USP6NL: variants seen among roughly 807,000 people sequenced by gnomAD.
The protein encoded by USP6NL is USP6 N-terminal like.
A neutral mutation model predicts 61.9 loss-of-function variants in USP6NL; 26 were observed. The observed-to-expected ratio is 0.42, with a 90% CI of 0.31 to 0.58. The LOEUF is 0.58. USP6NL is among the 20% of genes least tolerant of loss of function. USP6NL has a pLI of 0.16. For synonymous variants in USP6NL, 432 were observed against 390.1 expected (o/e 1.11, Z -1.27); for missense variants, 1,114 against 1,034.3 (o/e 1.08, Z -1.06).
At chr10:11,464,437 C>T (rs946051586) in intron 14 of USP6NL, among the ~76,000 whole-genome samples, 2 of 152,184 alleles carry the variant, frequency 1.3e-5, no homozygotes, top group Non-Finnish European at 2.9e-5. Context: ...GTGCAGGGCT[C>T]TACTATTTTC....
At chr10:11,472,674 T>G (rs1832807779) in intron 14 of USP6NL, among the ~76,000 whole-genome samples, 1 of 152,256 alleles carries the variant, frequency 6.6e-6, no homozygotes, top group African/African-American at 2.4e-5. Context: ...GACTTTATAT[T>G]TAATGTAATA....
At position 11,562,059 on chromosome 10, in the gene USP6NL, T is replaced by C. The variant is rs1836954086; in HGVS notation, c.5-34492A>G. On this transcript the variant is annotated intron_variant, in intron 2 of 14. Coordinates refer to ENST00000609104, the MANE Select transcript of USP6NL (RefSeq NM_014688.5). The surrounding 1 kb of genome is among the most constrained non-coding windows in gnomAD (Gnocchi z 4.8). The stretch of plus-strand genomic sequence containing the variant: ...ACTTTGTGAGGCCAAGGCAGGCAGA[T>C]CACGAGGTCAGGAGTTTAAGACCAG... Among the ~76,000 whole-genome samples the C allele has an allele frequency of 6.6e-6, 1 of 152,084 alleles. No individual in the cohort carries two copies. Among genetic ancestry groups the C allele is most frequent in the African/African-American group, 2.4e-5 (1 of 41,416 alleles).
rs1465790524 is a variant in USP6NL, at chr10:11,589,090, AAGAG to A, written c.4+8537_4+8540del. On this transcript the variant is annotated intron_variant, in intron 2 of 14. Coordinates refer to ENST00000609104, the MANE Select transcript of USP6NL (RefSeq NM_014688.5). The surrounding 1 kb of genome is among the most constrained non-coding windows in gnomAD (Gnocchi z 4.7). Reference sequence around the variant, plus strand: ...TGGAGAAGCGCCTTTCCTTATCCAGAAGAGAGACTCTAACAGCAGTAAAGGTTTC... The same window carrying A: ...TGGAGAAGCGCCTTTCCTTATCCAGAAGACTCTAACAGCAGTAAAGGTTTC... 6.6e-6 allele frequency among the ~76,000 whole-genome samples: 1 copy of A among 152,204 alleles called. No individual in the cohort carries two copies. The highest frequency in any genetic ancestry group is 1.9e-4 in the East Asian group (1 of 5,196).
rs1452325163 is a variant in USP6NL at position 11,482,013 on chromosome 10, G to T, written c.926-91C>A. ...TTATATTCAGGTGTAGTGTAAAAGGGCATTAAAAAGGGCGCAAGCAGCATA... is the reference window on the plus strand; with the variant it reads ...TTATATTCAGGTGTAGTGTAAAAGGTCATTAAAAAGGGCGCAAGCAGCATA... On this transcript the variant is annotated intron_variant, in intron 13 of 14. Coordinates refer to ENST00000609104, the MANE Select transcript of USP6NL (RefSeq NM_014688.5). The surrounding 1 kb of genome is among the most constrained non-coding windows in gnomAD (Gnocchi z 4.0). The T allele has an allele frequency of 3.8e-6, 5 of 1,313,710 alleles. No individual in the cohort carries two copies. Among genetic ancestry groups the T allele is most frequent in the Non-Finnish European group, 5.0e-6 (5 of 990,898 alleles). The allele number at this position is 1,313,710 out of a possible 1,614,324, so 81.4% of individuals were successfully genotyped here.
At chr10:11,542,863 G>A (rs1018989275) in intron 2 of USP6NL, among the ~76,000 whole-genome samples, 6 of 152,168 alleles carry the variant, frequency 3.9e-5, no homozygotes, top group African/African-American at 1.2e-4. Context: ...CGACAGTAAC[G>A]TGGGGTAGGA....
chr10:11,559,412 C>T (rs773983241), intron 2 of USP6NL, among the ~76,000 whole-genome samples: 1 of 152,074 alleles, frequency 6.6e-6, no homozygotes, highest in African/African-American at 2.4e-5. Flanking sequence ...GGTCACTTTC[C>T]AAACCATTCA....
chr10:11,604,388 G>A (rs1336034742), intron 1 of USP6NL, among the ~76,000 whole-genome samples: 2 of 152,068 alleles, frequency 1.3e-5, no homozygotes, highest in Non-Finnish European at 2.9e-5. Context: ...CTAAAATGTT[G>A]GTTATATGTA....
At chr10:11,542,175 T>C (rs190900812) in intron 2 of USP6NL, among the ~76,000 whole-genome samples, 20 of 152,322 alleles carry the variant, frequency 1.3e-4, no homozygotes, top group African/African-American at 4.1e-4. Context: ...TAATATTCAT[T>C]AATTCAGAAA....
At position 11,462,344 on chromosome 10, in the gene USP6NL, G is replaced by A. The variant is rs1033774787; in HGVS notation, c.*97C>T. The A allele has an allele frequency of 8.0e-6, 11 of 1,371,060 alleles. No homozygotes were observed. In the African/African-American group the frequency reaches 1.2e-4, roughly 15 times the overall value. 84.9% of individuals were successfully genotyped at this position (1,371,060 alleles called of 1,614,324 possible). On this transcript the variant is annotated 3_prime_UTR_variant, in exon 15 of 15. Coordinates refer to ENST00000609104, the MANE Select transcript of USP6NL (RefSeq NM_014688.5). ...AACAGACAGGAGAGATGTGCGAGTT[G>A]TTTACAATAGTATAAATACTGCTTT...
At chr10:11,475,243 T>C (rs990079132) in intron 14 of USP6NL, among the ~76,000 whole-genome samples, 1 of 151,760 alleles carries the variant, frequency 6.6e-6, no homozygotes, top group Non-Finnish European at 1.5e-5. Context: ...AAGAGTTACA[T>C]TTAAGGTAAC....
In USP6NL at chr10:11,495,516, T is replaced by C. The variant is rs1220784178; in HGVS notation, c.385-2288A>G. Among the ~76,000 whole-genome samples, 2 of 152,156 alleles carry C rather than the reference T, an allele frequency of 1.3e-5. No homozygotes were observed. Among genetic ancestry groups the C allele is most frequent in the Non-Finnish European group, 2.9e-5 (2 of 68,020 alleles). ...CCTAGGCTATCATCTAATTTTCTTG[T>C]ATTTTTCTGTATTATTTTACATCTC... On this transcript the variant is annotated intron_variant, in intron 7 of 14. Coordinates refer to ENST00000609104, the MANE Select transcript of USP6NL (RefSeq NM_014688.5). This position sits in a 1 kb window ranked among gnomAD's most constrained non-coding sequence, Gnocchi z 4.6.
At chr10:11,483,732 G>A (rs1833339994) in intron 13 of USP6NL, among the ~76,000 whole-genome samples, 1 of 149,838 alleles carries the variant, frequency 6.7e-6, no homozygotes, top group African/African-American at 2.5e-5. Context: ...GTGCGGGGAG[G>A]AAGGAAAAGA....
chr10:11,528,811 G>A lies in USP6NL; in HGVS notation c.5-1244C>T, dbSNP rs954764496. ...AAGCAAATGGTGGTTCCTAAGGAGA[G>A]GTGGGGTTAAAAACAAGGGAGCTGA... On this transcript the variant is annotated intron_variant, in intron 2 of 14. Transcript: ENST00000609104. The surrounding 1 kb of genome is among the most constrained non-coding windows in gnomAD (Gnocchi z 4.6). Among the ~76,000 whole-genome samples the A allele has an allele frequency of 1.3e-5, 2 of 152,110 alleles. No homozygotes were observed. Among genetic ancestry groups the A allele is most frequent in the East Asian group, 3.8e-4 (2 of 5,202 alleles).
rs573266496 is a variant in USP6NL at position 11,513,845 on chromosome 10, A to G, written c.196-4170T>C. ...TGGGCAACTCGGAATCCAATCATGC[A>G]TTCGGCATTGCCTTTGCTGGCAGGT... On this transcript the variant is annotated intron_variant, in intron 5 of 14. Coordinates refer to ENST00000609104, the MANE Select transcript of USP6NL (RefSeq NM_014688.5). This position sits in a 1 kb window ranked among gnomAD's most constrained non-coding sequence, Gnocchi z 4.7. Among the ~76,000 whole-genome samples the G allele has an allele frequency of 2.0e-5, 3 of 152,284 alleles. No individual in the cohort carries two copies. Among genetic ancestry groups the G allele is most frequent in the South Asian group, 2.1e-4 (1 of 4,826 alleles).
In USP6NL at chr10:11,600,037, T is replaced by C. The variant is rs1838467506; in HGVS notation, c.-83-2320A>G. 6.6e-6 allele frequency among the ~76,000 whole-genome samples: 1 copy of C among 152,084 alleles called. No individual in the cohort carries two copies. Among genetic ancestry groups the C allele is most frequent in the African/African-American group, 2.4e-5 (1 of 41,410 alleles). On this transcript the variant is annotated intron_variant, in intron 1 of 14. Transcript: ENST00000609104. This position sits in a 1 kb window ranked among gnomAD's most constrained non-coding sequence, Gnocchi z 4.1. ...TAGTTGAGCAGCACACAGGAGAAAATGTTTAGACTCCCTTTCTCCTCCCCT... is the reference window on the plus strand; with the variant it reads ...TAGTTGAGCAGCACACAGGAGAAAACGTTTAGACTCCCTTTCTCCTCCCCT...
chr10:11,515,723 C>T (rs1334829675), intron 5 of USP6NL, among the ~76,000 whole-genome samples: 1 of 152,160 alleles, frequency 6.6e-6, no homozygotes, highest in African/African-American at 2.4e-5. Context: ...CCTATCTTAA[C>T]AGTTTGTTTT....
Position 11,563,001 on chromosome 10 carries a change from A to T in USP6NL, c.4+34630T>A, listed in dbSNP as rs1210826425. On this transcript the variant is annotated intron_variant, in intron 2 of 14. Coordinates refer to ENST00000609104, the MANE Select transcript of USP6NL (RefSeq NM_014688.5). ...CTTTATTTGTAATAGTAAAAAAAAT[A>T]AAAAATAAAATAAAATAAATAAAAA... 9.9e-5 allele frequency among the ~76,000 whole-genome samples: 15 copies of T among 151,872 alleles called. No individual in the cohort carries two copies. In the East Asian group the frequency reaches 2.5e-3, roughly 25 times the overall value.
In USP6NL at chr10:11,463,941, T is replaced by C. The variant is rs1832319410; in HGVS notation, c.1079-92A>G. The C allele has an allele frequency of 8.3e-7, 1 of 1,211,284 alleles. No homozygotes were observed. Among genetic ancestry groups the C allele is most frequent in the Non-Finnish European group, 1.1e-6 (1 of 882,242 alleles). The allele number at this position is 1,211,284 out of a possible 1,614,324, so 75.0% of individuals were successfully genotyped here. On this transcript the variant is annotated intron_variant, in intron 14 of 14. Coordinates refer to ENST00000609104, the MANE Select transcript of USP6NL (RefSeq NM_014688.5). The surrounding 1 kb of genome is among the most constrained non-coding windows in gnomAD (Gnocchi z 6.3). The stretch of plus-strand genomic sequence containing the variant: ...ATTAGTAACAATGGCATGCTTTTCA[T>C]CTGTGCACAGATACACGCTGACATA...
chr10:11,594,204 C>T (rs546469639), intron 2 of USP6NL, among the ~76,000 whole-genome samples: 3 of 152,252 alleles, frequency 2.0e-5, no homozygotes, highest in South Asian at 4.1e-4. Flanking sequence ...CGCTCTAATA[C>T]TCCCTAACCT....
Sources: allele counts gnomAD v4.1 joint callset (sites outside exome capture counted in the v4.1 genomes callset), GRCh38; gene constraint gnomAD v4.1.1; non-coding constraint Gnocchi (gnomAD v3.1); transcripts MANE v1.5; gene names NCBI Gene and HGNC (gene_info 2026-07-23, HGNC 2026-07-21).